CD86: variants seen among roughly 807,000 people sequenced by gnomAD.
CD86 encodes CD86 molecule, also known as T-lymphocyte activation antigen CD86.
In CD86, 11 loss-of-function variants were observed where a neutral mutation model predicts 32.1. The observed-to-expected ratio is 0.34, with a 90% CI of 0.22 to 0.57. CD86 has a LOEUF of 0.57. Among genes scored for constraint, CD86 ranks in the 20% least tolerant of loss-of-function variants. The probability of loss-of-function intolerance (pLI) is 0.86; values close to 1 mark genes in which losing one functional copy is unlikely to be tolerated. For synonymous variants in CD86, 137 were observed against 135.3 expected, an observed-to-expected ratio of 1.01 and a Z score of -0.09; for missense variants, 359 against 398.4, an observed-to-expected ratio of 0.90 and a Z score of 0.84.
At chr3:122,093,732 T>A (rs1009973641) in intron 2 of CD86, among the ~76,000 whole-genome samples, 1 of 152,226 alleles carries the variant, frequency 6.6e-6, no homozygotes, top group Non-Finnish European at 1.5e-5. Flanking sequence ...TGCCTGGTAC[T>A]GTTCTAAGTA....
chr3:122,084,558 AT>A (rs1163310386), intron 1 of CD86, among the ~76,000 whole-genome samples: 7 of 152,220 alleles, frequency 4.6e-5, no homozygotes, highest in Non-Finnish European at 8.8e-5. Context: ...AAGATCCAAG[AT>A]TTTATTCATA....
At chr3:122,057,182 A>G (rs1272933110) in intron 1 of CD86, among the ~76,000 whole-genome samples, 2 of 152,210 alleles carry the variant, frequency 1.3e-5, no homozygotes, top group Non-Finnish European at 2.9e-5. Context: ...TCTGGACAAT[A>G]ATCTAGTGAT....
chr3:122,097,931 G>A (rs1200208707), intron 2 of CD86, among the ~76,000 whole-genome samples: 1 of 152,132 alleles, frequency 6.6e-6, no homozygotes, highest in Non-Finnish European at 1.5e-5. Flanking sequence ...AGGGTGCCTG[G>A]GCTAAGATTG....
chr3:122,112,018 G>A (rs897626519), intron 5 of CD86, among the ~76,000 whole-genome samples: 2 of 151,760 alleles, frequency 1.3e-5, no homozygotes, highest in African/African-American at 4.8e-5. Flanking sequence ...CTCTTTTTTT[G>A]TTTTGTCAAA....
intron 1 of CD86, among the ~76,000 whole-genome samples, chr3:122,061,941 G>A (rs962490166): frequency 2.0e-5 from 3 of 152,112 alleles, no homozygotes; most frequent in African/African-American, 7.2e-5. Flanking sequence ...GGGGAAAAAA[G>A]TCCCTCAGTG....
At chr3:122,078,680 C>T (rs1332704614) in intron 1 of CD86, among the ~76,000 whole-genome samples, 3 of 152,244 alleles carry the variant, frequency 2.0e-5, no homozygotes, top group African/African-American at 7.2e-5. Flanking sequence ...ATGTGTTTCA[C>T]ATACGGTGAA....
At chr3:122,098,038 T>A (rs2072936711) in intron 2 of CD86, among the ~76,000 whole-genome samples, 1 of 152,190 alleles carries the variant, frequency 6.6e-6, no homozygotes, top group Non-Finnish European at 1.5e-5. Context: ...AAGTCTGCTG[T>A]AGAAAGGGCA....
At position 122,076,272 on chromosome 3, in the gene CD86, C is replaced by A. The variant is rs539289466; in HGVS notation, c.15-15329C>A. 5.9e-5 allele frequency among the ~76,000 whole-genome samples: 9 copies of A among 152,240 alleles called. No homozygotes were observed. In the East Asian group the frequency reaches 1.5e-3, roughly 26 times the overall value. On this transcript the variant is annotated intron_variant, in intron 1 of 6. Transcript: ENST00000330540. The stretch of plus-strand genomic sequence containing the variant: ...TGATGAAAGTTTGGGGAATACTACT[C>A]CAAATATTTTGATAGCTAGCCTTTC...
chr3:122,102,941 A>T (rs983139696), intron 2 of CD86, among the ~76,000 whole-genome samples: 2 of 144,704 alleles, frequency 1.4e-5, no homozygotes. Flanking sequence ...AATTTCAAAG[A>T]TGTTACTCAA....
intron 1 of CD86, among the ~76,000 whole-genome samples, chr3:122,087,710 C>T (rs1273583442): frequency 1.3e-5 from 2 of 152,108 alleles, no homozygotes; most frequent in Non-Finnish European, 2.9e-5. Context: ...AGGATTGTTA[C>T]TCCTGGGCCA....
In CD86 at chr3:122,119,750, C is replaced by T; in HGVS notation, c.*216C>T. On this transcript the variant is annotated 3_prime_UTR_variant, in exon 7 of 7. Coordinates refer to ENST00000330540, the MANE Select transcript of CD86 (RefSeq NM_175862.5). ...TTAATTCTCTTACTGCTTCTTTTCA[C>T]TTCAGAGCACACTTATGGGCCAAGC... 1 of 488,196 alleles carries T rather than the reference C, an allele frequency of 2.0e-6. No homozygotes were observed. The highest frequency in any genetic ancestry group is 2.9e-5 in the South Asian group (1 of 34,984). The allele number at this position is 488,196 out of a possible 1,614,324, so 30.2% of individuals were successfully genotyped here.
Position 122,057,638 on chromosome 3 carries a change from T to C in CD86, c.14+2135T>C, listed in dbSNP as rs78467056. On this transcript the variant is annotated intron_variant, in intron 1 of 6. Transcript: ENST00000330540. Reference sequence around the variant, plus strand: ...TTTAAAAAAAACAATAGCTGGTTTTTTTCAGAGAAGTAACCATCTAGTGAT... The same window carrying C: ...TTTAAAAAAAACAATAGCTGGTTTTCTTCAGAGAAGTAACCATCTAGTGAT... 3.9e-5 allele frequency among the ~76,000 whole-genome samples: 6 copies of C among 152,358 alleles called. No individual in the cohort carries two copies. The East Asian group carries it at 1.2e-3, about 29-fold the overall frequency.
chr3:122,117,104 C>A (rs377362947), intron 5 of CD86, among the ~76,000 whole-genome samples: 4 of 151,902 alleles, frequency 2.6e-5, no homozygotes, highest in Non-Finnish European at 1.5e-5. Flanking sequence ...AGATGGTTTT[C>A]GGTTACATGG....
chr3:122,112,390 C>T (rs2073188116), intron 5 of CD86, among the ~76,000 whole-genome samples: 1 of 151,944 alleles, frequency 6.6e-6, no homozygotes, highest in Admixed American at 6.6e-5. Flanking sequence ...GATCTCAGCA[C>T]ACTGCAACCT....
At chr3:122,074,503 A>C (rs1178889173) in intron 1 of CD86, among the ~76,000 whole-genome samples, 1 of 152,246 alleles carries the variant, frequency 6.6e-6, no homozygotes, top group East Asian at 1.9e-4. Flanking sequence ...ATTCTGTATT[A>C]GAACTACCAT....
chr3:122,098,608 A>T (rs1234546735), intron 2 of CD86, among the ~76,000 whole-genome samples: 2 of 152,178 alleles, frequency 1.3e-5, no homozygotes, highest in African/African-American at 2.4e-5. Context: ...CAGGAGGATT[A>T]TGTGATTGGA....
chr3:122,099,309 C>A (rs1219074497), intron 2 of CD86, among the ~76,000 whole-genome samples: 3 of 150,036 alleles, frequency 2.0e-5, no homozygotes, highest in Non-Finnish European at 3.0e-5. Context: ...TCACCAACAA[C>A]CTTTGTCAGG....
At chr3:122,094,103 C>T (rs2072870890) in intron 2 of CD86, among the ~76,000 whole-genome samples, 1 of 152,182 alleles carries the variant, frequency 6.6e-6, no homozygotes, top group Non-Finnish European at 1.5e-5. Context: ...TGGGCCCAAG[C>T]CCTTCTCATC....
intron 1 of CD86, among the ~76,000 whole-genome samples, chr3:122,072,774 C>T (rs2072506207): frequency 6.6e-6 from 1 of 152,056 alleles, no homozygotes; most frequent in Admixed American, 6.6e-5. Context: ...GTTGCCATTG[C>T]TTTTGGTGTT....
Sources: allele counts gnomAD v4.1 joint callset (sites outside exome capture counted in the v4.1 genomes callset), GRCh38; gene constraint gnomAD v4.1.1; transcripts MANE v1.5; gene names NCBI Gene and HGNC (gene_info 2026-07-23, HGNC 2026-07-21).